The following TFAM variants were observed in gnomAD, a reference collection of about 807,000 sequenced individuals.
TFAM encodes mitochondrial transcription factor 1.
Under a neutral mutation model 30.6 loss-of-function variants are expected in TFAM, and 13 were observed. The ratio of observed to expected loss-of-function variants is 0.42; its 90% confidence interval spans 0.28 to 0.67. The LOEUF (loss-of-function observed/expected upper bound fraction) is 0.67, where lower values mean the gene tolerates loss of function less well. Ranked by LOEUF, TFAM falls within the 30% of genes least tolerant of loss-of-function variation. The pLI, the probability that TFAM is intolerant of heterozygous loss-of-function variation, is 0.21. For missense variants in TFAM, 231 were observed against 293.7 expected, an observed-to-expected ratio of 0.79 and a Z score of 1.56; for synonymous variants, 106 against 94.8, an observed-to-expected ratio of 1.12 and a Z score of -0.69.
chr10:58,388,005 T>G (rs1840522011), intron 2 of TFAM, among the ~76,000 whole-genome samples, 185 bp from the exon 3 acceptor site: 1 of 152,132 alleles, frequency 6.6e-6, no homozygotes, highest in African/African-American at 2.4e-5. Flanking sequence ...ACTCCTTAGT[T>G]GTTAGATAAT....
At chr10:58,394,775 A>G (rs1209028959) in intron 6 of TFAM, among the ~76,000 whole-genome samples, 153 bp from the exon 7 acceptor site, 1 of 152,188 alleles carries the variant, frequency 6.6e-6, no homozygotes, top group African/African-American at 2.4e-5. Context: ...TCTCATGAAA[A>G]TATTTCTTCT....
chr10:58,388,891 TTTCTC>T (rs1215657880), intron 4 of TFAM, 72 bp downstream of exon 4: 3 of 1,332,476 alleles, frequency 2.3e-6, no homozygotes, highest in African/African-American at 1.5e-5. Flanking sequence ...TATAGGTAGT[TTTCTC>T]TTAATAGGCA....
rs1231911084 is a variant in TFAM at position 58,397,626 on chromosome 10, CA to C, written c.*2553del. ...CTGGATCCAAGCCTTTCTTAAACAT[CA>C]GTACATGTGGAAGACTGGCATGCCA... On this transcript the variant is annotated 3_prime_UTR_variant, in exon 7 of 7. Coordinates refer to ENST00000487519, the MANE Select transcript of TFAM (RefSeq NM_003201.3). 1 of 152,100 alleles carries C rather than the reference CA, an allele frequency of 6.6e-6. No homozygotes were observed. Among genetic ancestry groups the C allele is most frequent in the African/African-American group, 2.4e-5 (1 of 41,388 alleles). The allele number at this position is 152,100 out of a possible 1,614,324, so 9.4% of individuals were successfully genotyped here.
rs779133915 is a variant in TFAM at position 58,394,946 on chromosome 10, A to G, written c.613A>G (p.Lys205Glu). The change falls in exon 7 of 7, where the codon AAA becomes GAA. Residue 205 changes from lysine to glutamate, a missense_variant. Coordinates refer to ENST00000487519, the MANE Select transcript of TFAM (RefSeq NM_003201.3). ...SEKELYIQHA[K>E]EDETRYHNEM... ...TTCTCAGTTATATATTCAGCATGCTAAAGAGGACGAAACTCGTTATCATAA... is the reference window on the plus strand; with the variant it reads ...TTCTCAGTTATATATTCAGCATGCTGAAGAGGACGAAACTCGTTATCATAA... 86 of 1,613,364 alleles carry G rather than the reference A, an allele frequency of 5.3e-5. No homozygotes were observed. The highest frequency in any genetic ancestry group is 7.0e-5 in the Non-Finnish European group (82 of 1,179,558).
chr10:58,390,196 A>G (rs1362749766), intron 4 of TFAM, among the ~76,000 whole-genome samples: 1 of 152,240 alleles, frequency 6.6e-6, no homozygotes, highest in Non-Finnish European at 1.5e-5. Context: ...AAACTTAAGT[A>G]TAATAATGCA....
At chr10:58,386,071 G>T in intron 1 of TFAM, 149 bp from the exon 2 acceptor site, 1 of 739,062 alleles carries the variant, frequency 1.4e-6, no homozygotes, top group Non-Finnish European at 2.4e-6. Context: ...TTTAGGACAG[G>T]GTTTTAATAA....
At position 58,398,953 on chromosome 10, in the gene TFAM, A is replaced by G. The variant is rs900556655; in HGVS notation, c.*3879A>G. The stretch of plus-strand genomic sequence containing the variant: ...TCTTTTTAAAATTGAACTTCTGCAG[A>G]GTAAGAAAATGAATACATTTATTAC... On this transcript the variant is annotated 3_prime_UTR_variant, in exon 7 of 7. Transcript: ENST00000487519. 1.3e-5 allele frequency: 2 copies of G among 152,246 alleles called. No individual in the cohort carries two copies. The highest frequency in any genetic ancestry group is 2.9e-5 in the Non-Finnish European group (2 of 68,046). The allele number at this position is 152,246 out of a possible 1,614,324, so 9.4% of individuals were successfully genotyped here.
intron 2 of TFAM, 31 bp from the exon 3 acceptor site, chr10:58,388,159 G>A: frequency 6.4e-7 from 1 of 1,564,450 alleles, no homozygotes; most frequent in Non-Finnish European, 8.8e-7. Flanking sequence ...TAAAATTGTG[G>A]CATCTTTTTT....
intron 5 of TFAM, among the ~76,000 whole-genome samples, chr10:58,392,507 G>T (rs560006638): frequency 2.1e-3 from 293 of 142,388 alleles, no homozygotes; most frequent in Middle Eastern, 7.1e-3. Context: ...CTTTTTTTTT[G>T]TTTTGTTTTG....
chr10:58,395,647 T>C lies in TFAM; in HGVS notation c.*573T>C, dbSNP rs1230040815. The C allele has an allele frequency of 1.5e-5, 4 of 269,334 alleles. No homozygotes were observed. Among genetic ancestry groups the C allele is most frequent in the Non-Finnish European group, 2.7e-5 (4 of 146,560 alleles). 16.7% of individuals were successfully genotyped at this position (269,334 alleles called of 1,614,324 possible). A position where few individuals can be genotyped will look rare whatever the true frequency, so the allele number is the denominator to read the frequency against. On this transcript the variant is annotated 3_prime_UTR_variant, in exon 7 of 7. Transcript: ENST00000487519. ...AGAAATTTATAAACTTTTTTCTTAC[T>C]GTCTTTTTTCTAAAGTAAAAACAAA...
Position 58,388,784 on chromosome 10 carries a change from A to G in TFAM, c.406A>G (p.Lys136Glu). ...GTCTTTGGAAAAAGAAATCATGGAC[A>G]AACATTTAAAAAGGAAAGCTATGAC... Reference protein sequence around the residue: ...IMSLEKEIMDKHLKRKAMTKK... With the variant: ...IMSLEKEIMDEHLKRKAMTKK... Residue 136 changes from lysine (K) to glutamate (E), a missense_variant, in exon 4 of 7, where the codon AAA becomes GAA. Transcript: ENST00000487519. 6.2e-7 allele frequency: 1 copy of G among 1,612,234 alleles called. No homozygotes were observed. Among genetic ancestry groups the G allele is most frequent in the Non-Finnish European group, 8.5e-7 (1 of 1,179,086 alleles).
intron 4 of TFAM, among the ~76,000 whole-genome samples, chr10:58,389,974 C>A (rs890385655): frequency 1.3e-5 from 2 of 152,084 alleles, no homozygotes; most frequent in African/African-American, 2.4e-5. Context: ...GCTCTAGAAA[C>A]AAAGAGGGAA....
Position 58,390,427 on chromosome 10 carries a change from A to G in TFAM, c.442-338A>G, listed in dbSNP as rs12265535. On this transcript the variant is annotated intron_variant, in intron 4 of 6. Transcript: ENST00000487519. ...AGCATGCAGTGATTTGGTCAAGGGG[A>G]CAGTAGTATCTTACAAGGATGAACC... is the stretch of plus-strand genomic sequence containing the variant. Among the ~76,000 whole-genome samples, 1,480 of 152,290 alleles carry G rather than the reference A, an allele frequency of 9.7e-3. 27 individuals carry two copies. Among genetic ancestry groups the G allele is most frequent in the African/African-American group, 0.034 (1,395 of 41,562 alleles).
At chr10:58,390,616 C>T in intron 4 of TFAM, 149 bp from the exon 5 acceptor site, 1 of 652,010 alleles carries the variant, frequency 1.5e-6, no homozygotes, top group South Asian at 1.9e-5. Context: ...ATTCTGACCG[C>T]AAGATGTAAT....
chr10:58,385,526 C>T lies in TFAM; in HGVS notation c.-22C>T, dbSNP rs368925712. On this transcript the variant is annotated 5_prime_UTR_variant, in exon 1 of 7. Transcript: ENST00000487519. ...AGGCTCTCCGAGATTGGGGTCGGGT[C>T]ACTGCCTCATCCACCGGAGCGATGG... 1.2e-4 allele frequency: 185 copies of T among 1,545,228 alleles called. No homozygotes were observed. Among genetic ancestry groups the T allele is most frequent in the Non-Finnish European group, 1.1e-5 (12 of 1,140,022 alleles).
intron 5 of TFAM, among the ~76,000 whole-genome samples, chr10:58,392,243 C>T (rs1840610749): frequency 6.6e-6 from 1 of 152,186 alleles, no homozygotes; most frequent in African/African-American, 2.4e-5. Context: ...TGTATCCTCA[C>T]ATTCACTTGT....
chr10:58,388,834 AATACTTTTTTCTTAT>A lies in TFAM; in HGVS notation c.441+16_441+30del, dbSNP rs753977902. On this transcript the variant is annotated intron_variant, in intron 4 of 6. Coordinates refer to ENST00000487519, the MANE Select transcript of TFAM (RefSeq NM_003201.3). ...CAAAAAAAAAAGTGAGTATCATTGA[AATACTTTTTTCTTAT>A]GGTAAAGAATTGAGATTTATATAAC... 1.3e-6 allele frequency: 2 copies of A among 1,592,532 alleles called. No individual in the cohort carries two copies. Among genetic ancestry groups the A allele is most frequent in the Non-Finnish European group, 1.7e-6 (2 of 1,165,212 alleles).
chr10:58,386,282 G>A lies in TFAM; in HGVS notation c.164G>A (p.Ser55Asn), dbSNP rs1191611982. ...VLASCPKKPV[S>N]SYLRFSKEQL... ...GCAAGTTGTCCAAAGAAACCTGTAA[G>A]TTCTTACCTTCGATTTTCTAAAGAA... Residue 55 changes from serine to asparagine, a missense_variant, in exon 2 of 7, where the codon AGT (serine) becomes AAT (asparagine). Transcript: ENST00000487519. 1 of 1,613,928 alleles carries A rather than the reference G, an allele frequency of 6.2e-7. No homozygotes were observed. Among genetic ancestry groups the A allele is most frequent in the Admixed American group, 1.7e-5 (1 of 60,026 alleles).
intron 1 of TFAM, 53 bp downstream of exon 1, chr10:58,385,701 G>A: frequency 7.3e-7 from 1 of 1,374,622 alleles, no homozygotes; most frequent in East Asian, 2.5e-5. Flanking sequence ...ACGTCCCGGG[G>A]TTGGAATGTA....
Sources: gnomAD v4.1 joint callset for allele counts (sites outside exome capture counted in the v4.1 genomes callset) on GRCh38, gnomAD v4.1.1 for gene constraint, MANE v1.5 for transcripts, NCBI Gene and HGNC (gene_info 2026-07-23, HGNC 2026-07-21) for gene names.